Variants in MARCHF10 observed in about 807,000 individuals in gnomAD.
MARCHF10 encodes membrane associated ring-CH-type finger 10.
In MARCHF10, 64 loss-of-function variants were observed where a neutral mutation model predicts 76.2. The observed-to-expected ratio is 0.84, with a 90% confidence interval of 0.69 to 1.03. The LOEUF is 1.03. Ranked by LOEUF, MARCHF10 falls within the 50% of genes least tolerant of loss-of-function variation. MARCHF10 has a pLI of 0.00. For missense variants in MARCHF10, 875 were observed against 958.0 expected, an observed-to-expected ratio of 0.91 and a Z score of 1.14; for synonymous variants, 340 against 357.5, an observed-to-expected ratio of 0.95 and a Z score of 0.55.
Position 62,701,552 on chromosome 17 carries a change from C to T in MARCHF10, c.*151G>A. The T allele has an allele frequency of 2.0e-6, 3 of 1,537,612 alleles. No homozygotes were observed. The highest frequency in any genetic ancestry group is 2.6e-6 in the Non-Finnish European group (3 of 1,141,718). On this transcript the variant is annotated 3_prime_UTR_variant, in exon 11 of 11. Transcript: ENST00000311269. The stretch of plus-strand genomic sequence containing the variant: ...GCTGCCCATAGATGCTCAAGCCAGA[C>T]CCCAAAAGAGAGTGGCACGAGGTGA...
intron 6 of MARCHF10, among the ~76,000 whole-genome samples, chr17:62,731,059 A>AGGGCCAT (rs2091004493): frequency 6.6e-6 from 1 of 152,230 alleles, no homozygotes; most frequent in African/African-American, 2.4e-5. Context: ...ATATAACAAT[A>AGGGCCAT]CTAGACAAAA....
At chr17:62,768,037 A>G (rs1276797624) in intron 3 of MARCHF10, among the ~76,000 whole-genome samples, 1 of 152,182 alleles carries the variant, frequency 6.6e-6, no homozygotes, top group African/African-American at 2.4e-5. Flanking sequence ...TTTGAAAGTC[A>G]TATGTTGAAG....
At chr17:62,709,995 C>T (rs538081175) in intron 9 of MARCHF10, among the ~76,000 whole-genome samples, 16 of 152,316 alleles carry the variant, frequency 1.1e-4, no homozygotes, top group African/African-American at 3.1e-4. Flanking sequence ...GTCCCTCCTG[C>T]TGCTTTTTGC....
At chr17:62,790,841 T>G (rs905145734) in intron 2 of MARCHF10, among the ~76,000 whole-genome samples, 1 of 152,200 alleles carries the variant, frequency 6.6e-6, no homozygotes, top group East Asian at 1.9e-4. Context: ...TCGTGCTTTA[T>G]GTCTGAATTG....
chr17:62,770,579 T>C (rs1284766685), intron 3 of MARCHF10, among the ~76,000 whole-genome samples: 1 of 151,192 alleles, frequency 6.6e-6, no homozygotes, highest in Non-Finnish European at 1.5e-5. Context: ...TCTTGCTCTG[T>C]CTCTCAGGCT....
intron 5 of MARCHF10, chr17:62,737,935 CTT>C (rs1367385065): frequency 6.6e-6 from 1 of 152,422 alleles, no homozygotes; most frequent in East Asian, 1.9e-4. Flanking sequence ...GTTATCTTCT[CTT>C]TGTCACTAGC....
intron 1 of MARCHF10, among the ~76,000 whole-genome samples, chr17:62,805,464 T>G (rs1233844642): frequency 6.6e-6 from 1 of 152,214 alleles, no homozygotes; most frequent in Non-Finnish European, 1.5e-5. Flanking sequence ...TGATACATTT[T>G]GGTTGCCAAA....
At chr17:62,715,961 G>A (rs1338310041) in intron 8 of MARCHF10, among the ~76,000 whole-genome samples, 2 of 152,168 alleles carry the variant, frequency 1.3e-5, no homozygotes, top group Non-Finnish European at 2.9e-5. Flanking sequence ...GCACCTAGAG[G>A]ACACGCCCTG....
intron 2 of MARCHF10, among the ~76,000 whole-genome samples, chr17:62,799,870 C>T (rs73992066): frequency 0.041 from 6,183 of 152,210 alleles, 445 homozygotes; most frequent in African/African-American, 0.14. Flanking sequence ...TGGTTTCATC[C>T]GGGCTGGTTC....
chr17:62,748,059 C>T (rs1326363309), intron 4 of MARCHF10, among the ~76,000 whole-genome samples: 1 of 152,144 alleles, frequency 6.6e-6, no homozygotes, highest in African/African-American at 2.4e-5. Context: ...AGTGCAGTCA[C>T]AAATGAGGTG....
chr17:62,734,792 C>A (rs972969307), intron 6 of MARCHF10, among the ~76,000 whole-genome samples: 1 of 152,024 alleles, frequency 6.6e-6, no homozygotes, highest in African/African-American at 2.4e-5. Flanking sequence ...AATAGGTACA[C>A]GAATAATAGC....
intron 10 of MARCHF10, among the ~76,000 whole-genome samples, chr17:62,704,049 G>A (rs1035875484): frequency 6.6e-6 from 1 of 151,026 alleles, no homozygotes; most frequent in Non-Finnish European, 1.5e-5. Flanking sequence ...CTGGGGAGGG[G>A]GCGCCTGGGC....
chr17:62,750,796 C>T (rs538821069), intron 4 of MARCHF10, among the ~76,000 whole-genome samples: 50 of 152,282 alleles, frequency 3.3e-4, no homozygotes, highest in African/African-American at 1.1e-3. Context: ...TTCTTTTCCC[C>T]GTAAGATCCC....
At chr17:62,746,806 C>T in intron 4 of MARCHF10, 34 of 1,140,170 alleles carry the variant, frequency 3.0e-5, no homozygotes, top group Non-Finnish European at 4.3e-5. Context: ...TTCCCACGCA[C>T]CCCAGGCAGC....
intron 6 of MARCHF10, among the ~76,000 whole-genome samples, chr17:62,728,905 A>G (rs1018272293): frequency 2.0e-5 from 3 of 152,144 alleles, no homozygotes; most frequent in African/African-American, 7.2e-5. Flanking sequence ...GAAATTGACA[A>G]ACTCAATGGA....
intron 3 of MARCHF10, among the ~76,000 whole-genome samples, chr17:62,768,838 T>C (rs1032410672): frequency 4.6e-5 from 7 of 152,224 alleles, no homozygotes; most frequent in Non-Finnish European, 8.8e-5. Flanking sequence ...AATTTAATCG[T>C]TCCATCATAT....
Position 62,765,175 on chromosome 17 carries a change from C to T in MARCHF10, c.211-5169G>A, listed in dbSNP as rs371965803. ...CAGCCTGGCCAACATGGTGAAGCCCCGTCTCCACTGAAAATACAAAAAAAA... is the reference window on the plus strand; with the variant it reads ...CAGCCTGGCCAACATGGTGAAGCCCTGTCTCCACTGAAAATACAAAAAAAA... On this transcript the variant is annotated intron_variant, in intron 3 of 10. Coordinates refer to ENST00000311269, the MANE Select transcript of MARCHF10 (RefSeq NM_152598.4). Among the ~76,000 whole-genome samples, 30 of 116,980 alleles carry T rather than the reference C, an allele frequency of 2.6e-4. No individual in the cohort carries two copies. The East Asian group carries it at 7.0e-3, about 27-fold the overall frequency. 76.7% of individuals were successfully genotyped at this position (116,980 alleles called of 152,430 possible).
Position 62,738,060 on chromosome 17 carries a change from T to TCTCACACACA in MARCHF10, c.536-729_536-728insTGTGTGTGAG, listed in dbSNP as rs371710783. 3.7e-4 allele frequency: 47 copies of TCTCACACACA among 127,398 alleles called. No homozygotes were observed. Among genetic ancestry groups the TCTCACACACA allele is most frequent in the African/African-American group, 1.4e-3 (44 of 31,996 alleles). 7.9% of individuals were successfully genotyped at this position (127,398 alleles called of 1,614,324 possible). A position where few individuals can be genotyped will look rare whatever the true frequency, so the allele number is the denominator to read the frequency against. ...AACTGTCTCTCTCTGTCTCTCTCTGTCACACACACACACACACACACACAC... is the reference window on the plus strand; with the variant it reads ...AACTGTCTCTCTCTGTCTCTCTCTGTCTCACACACACACACACACACACACACACACACAC... On this transcript the variant is annotated intron_variant, in intron 5 of 10. Transcript: ENST00000311269. This position sits in a 1 kb window ranked among gnomAD's most constrained non-coding sequence, Gnocchi z 4.0.
intron 8 of MARCHF10, among the ~76,000 whole-genome samples, chr17:62,715,308 G>A (rs531766882): frequency 7.9e-5 from 12 of 152,334 alleles, no homozygotes; most frequent in African/African-American, 2.4e-4. Flanking sequence ...TAGTTGGGGA[G>A]AGCACTTTCC....
Sources: gnomAD v4.1 joint callset for allele counts (sites outside exome capture counted in the v4.1 genomes callset) on GRCh38, gnomAD v4.1.1 for gene constraint, Gnocchi (gnomAD v3.1) non-coding constraint, MANE v1.5 for transcripts, NCBI Gene and HGNC (gene_info 2026-07-23, HGNC 2026-07-21) for gene names.